LARGE1: variants seen among roughly 807,000 people sequenced by gnomAD.
The protein encoded by LARGE1 is LARGE xylosyl- and glucuronyltransferase 1.
In LARGE1, 43 loss-of-function variants were observed where a neutral mutation model predicts 87.6. The observed-to-expected ratio is 0.49, with a 90% CI of 0.38 to 0.63. The LOEUF (loss-of-function observed/expected upper bound fraction) is 0.63. LARGE1 is among the 30% of genes least tolerant of loss of function. The pLI, the probability that LARGE1 is intolerant of heterozygous loss-of-function variation, is 0.00. For synonymous variants in LARGE1, 434 were observed against 394.6 expected (o/e 1.10, Z -1.18); for missense variants, 802 against 1,000.2 (o/e 0.80, Z 2.67).
Position 33,360,148 on chromosome 22 carries a change from A to G in LARGE1, c.1131+21771T>C, listed in dbSNP as rs1307829127. 6.7e-5 allele frequency among the ~76,000 whole-genome samples: 10 copies of G among 149,418 alleles called. 2 individuals carry two copies. The highest frequency in any genetic ancestry group is 1.3e-4 in the Non-Finnish European group (9 of 67,060). Reference sequence around the variant, plus strand: ...GCCAACATGGTGAAACCTCGTCTCTATTAAAAATACAAAAATTAGCCAGGC... The same window carrying G: ...GCCAACATGGTGAAACCTCGTCTCTGTTAAAAATACAAAAATTAGCCAGGC... On this transcript the variant is annotated intron_variant, in intron 9 of 14. Coordinates refer to ENST00000397394, the MANE Select transcript of LARGE1 (RefSeq NM_133642.5).
At chr22:33,322,095 G>T (rs1480143197) in intron 10 of LARGE1, among the ~76,000 whole-genome samples, 1 of 152,042 alleles carries the variant, frequency 6.6e-6, no homozygotes, top group African/African-American at 2.4e-5. Flanking sequence ...CTGAGATTAC[G>T]GGCATGAGCT....
chr22:33,326,389 T>C (rs531375066), intron 10 of LARGE1, among the ~76,000 whole-genome samples: 1 of 152,336 alleles, frequency 6.6e-6, no homozygotes, highest in South Asian at 2.1e-4. Context: ...GGAGAGGCAA[T>C]GAAGCCAGTC....
At chr22:33,685,787 C>G (rs1001198213) in intron 2 of LARGE1, among the ~76,000 whole-genome samples, 1 of 152,074 alleles carries the variant, frequency 6.6e-6, no homozygotes, top group African/African-American at 2.4e-5. Context: ...GACACATGTG[C>G]CAACAAAACT....
intron 6 of LARGE1, among the ~76,000 whole-genome samples, chr22:33,546,990 T>A (rs1321207279): frequency 6.6e-6 from 1 of 152,256 alleles, no homozygotes; most frequent in Non-Finnish European, 1.5e-5. Context: ...ATGGTTGTAA[T>A]CTTGGCTCTG....
chr22:33,639,704 C>G (rs1398581646), intron 3 of LARGE1, among the ~76,000 whole-genome samples: 1 of 152,174 alleles, frequency 6.6e-6, no homozygotes, highest in Non-Finnish European at 1.5e-5. Context: ...CGTACAATAG[C>G]TGAGTCCCAG....
At chr22:33,448,580 C>T (rs1315628964) in intron 6 of LARGE1, among the ~76,000 whole-genome samples, 2 of 152,132 alleles carry the variant, frequency 1.3e-5, no homozygotes, top group African/African-American at 4.8e-5. Context: ...CCCTCTGGGC[C>T]AATGATCAGC....
At chr22:33,259,162 G>A (rs1927482547) in intron 11 of LARGE1, among the ~76,000 whole-genome samples, 1 of 152,180 alleles carries the variant, frequency 6.6e-6, no homozygotes, top group Non-Finnish European at 1.5e-5. Flanking sequence ...ACAGGCATGA[G>A]CCACTACACC....
the LARGE1 span, among the ~76,000 whole-genome samples, chr22:33,118,914 G>A: frequency 2.0e-5 from 3 of 152,206 alleles, no homozygotes; most frequent in African/African-American, 7.2e-5. Flanking sequence ...CCATATTCTT[G>A]AAGGGCCTTT....
chr22:33,190,820 C>T (rs1430413089), intron 11 of LARGE1, among the ~76,000 whole-genome samples: 4 of 152,168 alleles, frequency 2.6e-5, no homozygotes, highest in Non-Finnish European at 5.9e-5. Flanking sequence ...GCATTTTATA[C>T]TCAATGCATT....
chr22:33,722,146 G>C (rs1372256096), intron 2 of LARGE1, among the ~76,000 whole-genome samples: 1 of 152,056 alleles, frequency 6.6e-6, no homozygotes, highest in East Asian at 2.0e-4. Context: ...TCAGCTACTC[G>C]GGACTCTGAG....
intron 2 of LARGE1, among the ~76,000 whole-genome samples, chr22:33,655,258 C>T (rs1305251204): frequency 6.6e-6 from 1 of 152,058 alleles, no homozygotes; most frequent in South Asian, 2.1e-4. Context: ...GGTTGGCTAC[C>T]TCCCATTAGT....
chr22:33,676,923 A>G (rs2081599660), intron 2 of LARGE1, among the ~76,000 whole-genome samples: 1 of 152,256 alleles, frequency 6.6e-6, no homozygotes, highest in African/African-American at 2.4e-5. Flanking sequence ...TCTTCAAAGC[A>G]ATAAGATAGA....
chr22:33,524,496 C>A (rs2071781309), intron 6 of LARGE1, among the ~76,000 whole-genome samples: 1 of 151,890 alleles, frequency 6.6e-6, no homozygotes, highest in South Asian at 2.1e-4. Context: ...AAAGAAATGT[C>A]CAACTCAATC....
intron 12 of LARGE1, among the ~76,000 whole-genome samples, chr22:33,302,808 C>A (rs1466758186): frequency 6.6e-6 from 1 of 152,170 alleles, no homozygotes; most frequent in Non-Finnish European, 1.5e-5. Context: ...CTGGTTCACA[C>A]CCTGGCGTGA....
chr22:33,193,856 ATTG>A (rs1419397428), intron 11 of LARGE1, among the ~76,000 whole-genome samples: 1 of 147,862 alleles, frequency 6.8e-6, no homozygotes, highest in Non-Finnish European at 1.5e-5. Flanking sequence ...TTTTATATAT[ATTG>A]TTTTTATATA....
intron 7 of LARGE1, among the ~76,000 whole-genome samples, chr22:33,388,294 G>A (rs1035062933): frequency 6.6e-6 from 1 of 152,060 alleles, no homozygotes; most frequent in Admixed American, 6.5e-5. Flanking sequence ...TTCATGTCTC[G>A]AGAGCTTAGC....
Position 33,277,219 on chromosome 22 carries a change from G to A in LARGE1, c.1914C>T (p.Asn638=), listed in dbSNP as rs765374332. 3.1e-6 allele frequency: 5 copies of A among 1,614,266 alleles called. No individual in the cohort carries two copies. In the South Asian group the frequency reaches 4.4e-5, roughly 14 times the overall value. Residue 638 remains asparagine (N), a synonymous_variant, in exon 14 of 15, where the codon AAC becomes AAT. Transcript: ENST00000397394. ...HVWTKGHAPT[N]FAKWRTATTP... ...TGGTGGCGGTCCGCCACTTGGCGAA[G>A]TTTGTGGGTGCGTGGCCTTTCGTCC...
chr22:33,834,471 G>C (rs2063058535), intron 1 of LARGE1, among the ~76,000 whole-genome samples: 1 of 152,028 alleles, frequency 6.6e-6, no homozygotes, highest in Non-Finnish European at 1.5e-5. Context: ...CTCCCCCAGT[G>C]AGCACCTTGT....
intron 8 of LARGE1, among the ~76,000 whole-genome samples, chr22:33,383,223 G>C (rs199870255): frequency 6.6e-6 from 1 of 152,180 alleles, no homozygotes; most frequent in South Asian, 2.1e-4. Context: ...GGAGCCCTCT[G>C]CCTTTCCTAG....
Sources: allele counts gnomAD v4.1 joint callset (sites outside exome capture counted in the v4.1 genomes callset), GRCh38; gene constraint gnomAD v4.1.1; transcripts MANE v1.5; gene names NCBI Gene and HGNC (gene_info 2026-07-23, HGNC 2026-07-21).